WNK3: variants seen among roughly 807,000 people sequenced by gnomAD.
WNK3 encodes the protein WNK lysine deficient protein kinase 3.
In WNK3, 18 loss-of-function variants were observed where a neutral mutation model predicts 116.7. The ratio of observed to expected loss-of-function variants is 0.15; its 90% confidence interval spans 0.11 to 0.23. The LOEUF is 0.23. Among genes scored for constraint, WNK3 ranks in the 10% least tolerant of loss-of-function variants. The pLI is 1.00. For missense variants in WNK3, 993 were observed against 1,323.8 expected (o/e 0.75, Z 3.88); for synonymous variants, 404 against 469.4 (o/e 0.86, Z 1.80).
rs1205896345 is a variant in WNK3 at position 54,309,010 on chromosome X, C to T, written c.931+85G>A. 3 of 786,518 alleles carry T rather than the reference C, an allele frequency of 3.8e-6. No individual in the cohort carries two copies. In the African/African-American group the frequency reaches 6.2e-5, roughly 16 times the overall value. 64.8% of individuals were successfully genotyped at this position (786,518 alleles called of 1,213,427 possible). A position where few individuals can be genotyped will look rare whatever the true frequency, so the allele number is the denominator to read the frequency against. Reference sequence around the variant, plus strand: ...CAGTGAGCCACATTCATCCCACTGGCCATAGCTGGCTGATTCCTGTTCTAG... The same window carrying T: ...CAGTGAGCCACATTCATCCCACTGGTCATAGCTGGCTGATTCCTGTTCTAG... On this transcript the variant is annotated intron_variant, in intron 4 of 23. Coordinates refer to ENST00000354646, the Ensembl canonical transcript of WNK3.
At chrX:54,278,031 C>G in intron 10 of WNK3, among the ~76,000 whole-genome samples, 1 of 106,712 alleles carries the variant, frequency 9.4e-6, no homozygotes, top group South Asian at 4.3e-4. Context: ...GAAGCAGAGG[C>G]TGCAGTGAGC....
chrX:54,249,225 A>C (rs782821098), exon 17 of WNK3: 27 of 1,210,351 alleles, frequency 2.2e-5, no homozygotes, highest in Non-Finnish European at 2.6e-5. Flanking sequence ...ATAAGGTTTG[A>C]GGCTTTTGAT....
chrX:54,238,938 G>GC lies in WNK3; in HGVS notation c.3812dup (p.Lys1272GlnfsTer36). ...GCCTGTATGCCCAGCTTTTTAATTT[G>GC]CGAGTCCAGGATTTCTTGCTAATAG... is the stretch of plus-strand genomic sequence containing the variant. On this transcript the variant is annotated frameshift_variant, in exon 18 of 24. Coordinates refer to ENST00000354646, the Ensembl canonical transcript of WNK3. LOFTEE classifies it high-confidence loss of function. The GC allele has an allele frequency of 8.3e-7, 1 of 1,206,811 alleles. No individual in the cohort carries two copies. Among genetic ancestry groups the GC allele is most frequent in the Non-Finnish European group, 1.1e-6 (1 of 893,837 alleles).
chrX:54,355,899 T>G (rs185556602), intron 1 of WNK3, among the ~76,000 whole-genome samples: 5 of 111,821 alleles, frequency 4.5e-5, no homozygotes, highest in Non-Finnish European at 5.6e-5. Context: ...CTGTACTATT[T>G]AATACATTAA....
chrX:54,324,792 C>A (rs903024209), intron 2 of WNK3, among the ~76,000 whole-genome samples: 1 of 112,359 alleles, frequency 8.9e-6, no homozygotes, highest in African/African-American at 3.2e-5. Context: ...ATTTGGGGAG[C>A]AAAATTAAAT....
chrX:54,279,069 AAAATAAAT>A (rs1234031446), intron 10 of WNK3, among the ~76,000 whole-genome samples: 1 of 110,352 alleles, frequency 9.1e-6, no homozygotes, highest in Non-Finnish European at 1.9e-5. Flanking sequence ...ACTCCATCTC[AAAATAAAT>A]AAATAAATAA....
chrX:54,301,605 T>C (rs1254543894), intron 6 of WNK3, among the ~76,000 whole-genome samples, 166 bp downstream of exon 6: 1 of 111,127 alleles, frequency 9.0e-6, no homozygotes, highest in Non-Finnish European at 1.9e-5. Flanking sequence ...GATATCCAAG[T>C]CTAAAATGGT....
intron 20 of WNK3, among the ~76,000 whole-genome samples, chrX:54,234,340 C>G (rs182358245): frequency 8.9e-6 from 1 of 111,940 alleles, no homozygotes; most frequent in Non-Finnish European, 1.9e-5. Context: ...CCACTGCACT[C>G]CAGCATGGGT....
At chrX:54,299,367 C>T (rs1310444711) in intron 6 of WNK3, among the ~76,000 whole-genome samples, 1 of 109,852 alleles carries the variant, frequency 9.1e-6, no homozygotes, top group African/African-American at 3.3e-5. Context: ...GCCATCATTC[C>T]ATACAAAGTT....
chrX:54,219,627 G>A (rs529225467), intron 22 of WNK3, among the ~76,000 whole-genome samples: 2 of 88,778 alleles, frequency 2.3e-5, no homozygotes, highest in Admixed American at 1.5e-4. Flanking sequence ...GCAGTGAGCC[G>A]AGATCGCGCC....
At chrX:54,207,285 T>C (rs2067563531) in intron 22 of WNK3, among the ~76,000 whole-genome samples, 1 of 111,129 alleles carries the variant, frequency 9.0e-6, no homozygotes, top group Non-Finnish European at 1.9e-5. Context: ...TTCATTATCT[T>C]ACACTAAACA....
intron 16 of WNK3, 63 bp downstream of exon 16, chrX:54,249,931 T>C: frequency 3.6e-6 from 4 of 1,107,101 alleles, no homozygotes; most frequent in Non-Finnish European, 4.8e-6. Context: ...GTTAAAGATA[T>C]CATATGTATT....
intron 2 of WNK3, among the ~76,000 whole-genome samples, chrX:54,324,745 CAG>C (rs1284364406): frequency 8.9e-6 from 1 of 112,365 alleles, no homozygotes; most frequent in Non-Finnish European, 1.9e-5. Flanking sequence ...CACGGCTAAA[CAG>C]AATCCAGAAA....
At chrX:54,262,157 C>T (rs1364579148) in intron 10 of WNK3, among the ~76,000 whole-genome samples, 3 of 111,790 alleles carry the variant, frequency 2.7e-5, no homozygotes, top group Non-Finnish European at 5.6e-5. Context: ...TGTTTCAATA[C>T]TATAGGCTTT....
intron 23 of WNK3, among the ~76,000 whole-genome samples, chrX:54,201,250 G>A (rs1043978581): frequency 3.6e-5 from 4 of 111,447 alleles, no homozygotes; most frequent in Non-Finnish European, 7.5e-5. Flanking sequence ...CATATCTAAT[G>A]TATATAATTT....
At chrX:54,248,043 C>A (rs1557153044) in intron 17 of WNK3, among the ~76,000 whole-genome samples, 1 of 110,339 alleles carries the variant, frequency 9.1e-6, no homozygotes, top group African/African-American at 3.3e-5. Context: ...GAGTTCGAGA[C>A]CAGCCTGGCC....
exon 15 of WNK3, chrX:54,251,432 C>T (rs146672116): frequency 1.9e-5 from 22 of 1,184,075 alleles, no homozygotes; most frequent in Non-Finnish European, 2.4e-5. Flanking sequence ...TTTATCTGTA[C>T]TTGTTCAGAT....
intron 10 of WNK3, among the ~76,000 whole-genome samples, chrX:54,266,722 T>C (rs972496171): frequency 1.4e-4 from 15 of 109,800 alleles, no homozygotes; most frequent in Non-Finnish European, 2.5e-4. Flanking sequence ...TTTATTTATA[T>C]ATATATATAT....
intron 10 of WNK3, among the ~76,000 whole-genome samples, chrX:54,262,218 A>G (rs782216457): frequency 9.0e-6 from 1 of 111,580 alleles, no homozygotes; most frequent in Non-Finnish European, 1.9e-5. Context: ...GCTTTTTAAA[A>G]TGTATTAAGT....
Sources: allele counts gnomAD v4.1 joint callset (sites outside exome capture counted in the v4.1 genomes callset), GRCh38; gene constraint gnomAD v4.1.1; transcripts MANE v1.5; gene names NCBI Gene and HGNC (gene_info 2026-07-23, HGNC 2026-07-21).